ZNF740: variants seen among roughly 807,000 people sequenced by gnomAD.
The protein encoded by ZNF740 is zinc finger protein 740, also known as oriLyt TD-element-binding protein 7.
In ZNF740, 14 loss-of-function variants were observed where a neutral mutation model predicts 24.8. The ratio of observed to expected loss-of-function variants is 0.56; its 90% CI spans 0.37 to 0.88. The LOEUF is 0.88. Ranked by LOEUF, ZNF740 falls within the 40% of genes least tolerant of loss-of-function variation. ZNF740 has a pLI of 0.00. For synonymous variants in ZNF740, 69 were observed against 84.0 expected (o/e 0.82, Z 0.98); for missense variants, 201 against 247.9 (o/e 0.81, Z 1.27).
In ZNF740 at chr12:53,192,205, T is replaced by G; in HGVS notation, c.*4615T>G. The G allele has an allele frequency of 8.0e-7, 1 of 1,249,370 alleles. No individual in the cohort carries two copies. Among genetic ancestry groups the G allele is most frequent in the Non-Finnish European group, 1.1e-6 (1 of 887,492 alleles). The allele number at this position is 1,249,370 out of a possible 1,614,324, so 77.4% of individuals were successfully genotyped here. ...GTCCACTTGCTCAATTGCCTCTGCC[T>G]TTGTCCTGGATTCACAGTTCTGCTT... On this transcript the variant is annotated 3_prime_UTR_variant, in exon 7 of 7. Transcript: ENST00000416904.
At position 53,187,656 on chromosome 12, in the gene ZNF740, C is replaced by T. The variant is rs1178717525; in HGVS notation, c.*66C>T. Reference sequence around the variant, plus strand: ...TGCCGAAGAGCACACCCCCTCTGGTCTGATGGTCCCACCACCGCCCCATGT... The same window carrying T: ...TGCCGAAGAGCACACCCCCTCTGGTTTGATGGTCCCACCACCGCCCCATGT... On this transcript the variant is annotated 3_prime_UTR_variant, in exon 7 of 7. Coordinates refer to ENST00000416904, the MANE Select transcript of ZNF740 (RefSeq NM_001004304.4). 5 of 1,324,084 alleles carry T rather than the reference C, an allele frequency of 3.8e-6. No homozygotes were observed. The East Asian group carries it at 1.2e-4, about 31-fold the overall frequency. The allele number at this position is 1,324,084 out of a possible 1,614,324, so 82.0% of individuals were successfully genotyped here.
In ZNF740 at chr12:53,193,297, C is replaced by T. The variant is rs559123674; in HGVS notation, c.*5707C>T. Reference sequence around the variant, plus strand: ...CATTGGGAGCCCGGCACCCAGATTCCAGGTCTGGGGAGGACAGCTCTGCCA... The same window carrying T: ...CATTGGGAGCCCGGCACCCAGATTCTAGGTCTGGGGAGGACAGCTCTGCCA... On this transcript the variant is annotated 3_prime_UTR_variant, in exon 7 of 7. Transcript: ENST00000416904. The T allele has an allele frequency of 2.5e-6, 4 of 1,612,738 alleles. No individual in the cohort carries two copies. The East Asian group carries it at 6.7e-5, about 27-fold the overall frequency.
Position 53,187,634 on chromosome 12 carries a change from C to G in ZNF740, c.*44C>G, listed in dbSNP as rs760702864. 1 of 1,494,734 alleles carries G rather than the reference C, an allele frequency of 6.7e-7. No individual in the cohort carries two copies. Among genetic ancestry groups the G allele is most frequent in the Middle Eastern group, 1.7e-4 (1 of 5,768 alleles). 92.6% of individuals were successfully genotyped at this position (1,494,734 alleles called of 1,614,324 possible). A position where few individuals can be genotyped will look rare whatever the true frequency, so the allele number is the denominator to read the frequency against. On this transcript the variant is annotated 3_prime_UTR_variant, in exon 7 of 7. Coordinates refer to ENST00000416904, the MANE Select transcript of ZNF740 (RefSeq NM_001004304.4). ...GGTGGGAGTGATCAGAAGAACCTGC[C>G]GAAGAGCACACCCCCTCTGGTCTGA...
chr12:53,184,118 T>G (rs998303522), intron 2 of ZNF740, among the ~76,000 whole-genome samples: 3 of 102,314 alleles, frequency 2.9e-5, no homozygotes, highest in Non-Finnish European at 3.9e-5. Context: ...CTAAGGGGTG[T>G]GTGTGTGTGT....
At position 53,192,506 on chromosome 12, in the gene ZNF740, C is replaced by T; in HGVS notation, c.*4916C>T. ...TGTACTGCAGTTGGTGGCCAGTGGGCCAGTCCTGAAGGCCCCACACTCTGC... is the reference window on the plus strand; with the variant it reads ...TGTACTGCAGTTGGTGGCCAGTGGGTCAGTCCTGAAGGCCCCACACTCTGC... On this transcript the variant is annotated 3_prime_UTR_variant, in exon 7 of 7. Coordinates refer to ENST00000416904, the MANE Select transcript of ZNF740 (RefSeq NM_001004304.4). 6.2e-7 allele frequency: 1 copy of T among 1,614,122 alleles called. No individual in the cohort carries two copies.
At chr12:53,187,478 C>G (rs771556555) in intron 6 of ZNF740, 23 bp from the exon 7 acceptor site, 1 of 1,610,504 alleles carries the variant, frequency 6.2e-7, no homozygotes, top group South Asian at 1.1e-5. Flanking sequence ...TGCTCAGGCA[C>G]TTAACCCTCC....
At position 53,192,757 on chromosome 12, in the gene ZNF740, A is replaced by G. The variant is rs1458542063; in HGVS notation, c.*5167A>G. 2 of 1,614,240 alleles carry G rather than the reference A, an allele frequency of 1.2e-6. No homozygotes were observed. Among genetic ancestry groups the G allele is most frequent in the Admixed American group, 1.7e-5 (1 of 60,028 alleles). On this transcript the variant is annotated 3_prime_UTR_variant, in exon 7 of 7. Transcript: ENST00000416904. ...GCATAGAGCACCATAGTAGCCGTCC[A>G]AGCACTGGCAGCGGTTGCATTTGCA...
At chr12:53,185,078 G>C in intron 3 of ZNF740, 38 bp downstream of exon 3, 2 of 1,610,308 alleles carry the variant, frequency 1.2e-6, no homozygotes. Flanking sequence ...CTGGGGATCG[G>C]GTGGCCCAAG....
At position 53,187,508 on chromosome 12, in the gene ZNF740, C is replaced by T; in HGVS notation, c.500C>T (p.Ser167Phe). The change falls in exon 7 of 7, where the codon TCT (serine) becomes TTT (phenylalanine). Residue 167 changes from serine (S) to phenylalanine (F), a missense_variant. Physicochemically the swap from Ser to Phe is radical, Grantham distance 155. This residue lies in a region of ZNF740 where 60 missense variants were observed against 107.8 expected (regional missense o/e 0.56). Coordinates refer to ENST00000416904, the MANE Select transcript of ZNF740 (RefSeq NM_001004304.4). The part of the protein sequence containing the change: ...YQCERCHQCF[S>F]RTDRLLRHKR... ...CCCTCCCTTTCTTCTCAGTGTTTTT[C>T]TCGGACAGATCGATTACTCAGACAC... 6.2e-7 allele frequency: 1 copy of T among 1,613,960 alleles called. No homozygotes were observed. The highest frequency in any genetic ancestry group is 8.5e-7 in the Non-Finnish European group (1 of 1,179,842).
At position 53,187,687 on chromosome 12, in the gene ZNF740, T is replaced by C; in HGVS notation, c.*97T>C. 1 of 981,436 alleles carries C rather than the reference T, an allele frequency of 1.0e-6. No homozygotes were observed. The highest frequency in any genetic ancestry group is 1.6e-6 in the Non-Finnish European group (1 of 627,896). The allele number at this position is 981,436 out of a possible 1,614,324, so 60.8% of individuals were successfully genotyped here. A position where few individuals can be genotyped will look rare whatever the true frequency, so the allele number is the denominator to read the frequency against. On this transcript the variant is annotated 3_prime_UTR_variant, in exon 7 of 7. Transcript: ENST00000416904. ...GTCCCACCACCGCCCCATGTGAACC[T>C]GTCCCACTCCTGGAGGAGTGGACCC...
At position 53,180,739 on chromosome 12, in the gene ZNF740, C is replaced by G. The variant is rs1404282131; in HGVS notation, c.-406C>G. 7.9e-7 allele frequency: 1 copy of G among 1,263,938 alleles called. No individual in the cohort carries two copies. The highest frequency in any genetic ancestry group is 2.4e-5 in the Admixed American group (1 of 41,050). 78.3% of individuals were successfully genotyped at this position (1,263,938 alleles called of 1,614,324 possible). A position where few individuals can be genotyped will look rare whatever the true frequency, so the allele number is the denominator to read the frequency against. On this transcript the variant is annotated 5_prime_UTR_variant, in exon 1 of 7. Transcript: ENST00000416904. Reference sequence around the variant, plus strand: ...TGGTGTTTGTAAACTTGCCTCGGTCCCGGTGGGGGCAGCCGCGGCGGTGGG... The same window carrying G: ...TGGTGTTTGTAAACTTGCCTCGGTCGCGGTGGGGGCAGCCGCGGCGGTGGG...
In ZNF740 at chr12:53,189,495, T is replaced by C. The variant is rs1383481455; in HGVS notation, c.*1905T>C. The stretch of plus-strand genomic sequence containing the variant: ...GGGGGTTGTCCATACCTCTGTGGTA[T>C]GAGTATTTCAGGGAAAAAGAAAGCA... On this transcript the variant is annotated 3_prime_UTR_variant, in exon 7 of 7. Coordinates refer to ENST00000416904, the MANE Select transcript of ZNF740 (RefSeq NM_001004304.4). 2.0e-5 allele frequency: 3 copies of C among 152,102 alleles called. No homozygotes were observed. The highest frequency in any genetic ancestry group is 2.9e-5 in the Non-Finnish European group (2 of 68,032). 9.4% of individuals were successfully genotyped at this position (152,102 alleles called of 1,614,324 possible).
In ZNF740 at chr12:53,193,163, C is replaced by T. The variant is rs747008975; in HGVS notation, c.*5573C>T. On this transcript the variant is annotated 3_prime_UTR_variant, in exon 7 of 7. Transcript: ENST00000416904. The stretch of plus-strand genomic sequence containing the variant: ...ACCTCCGCAGAGGATGCCCTCATGT[C>T]GCTCACAGCTGGCATCGTCACACTC... The T allele has an allele frequency of 2.5e-5, 40 of 1,612,216 alleles. No homozygotes were observed. Among genetic ancestry groups the T allele is most frequent in the South Asian group, 1.6e-4 (15 of 90,950 alleles).
At position 53,191,541 on chromosome 12, in the gene ZNF740, G is replaced by A; in HGVS notation, c.*3951G>A. 6.3e-7 allele frequency: 1 copy of A among 1,594,094 alleles called. No homozygotes were observed. The highest frequency in any genetic ancestry group is 1.3e-5 in the African/African-American group (1 of 74,616). Reference sequence around the variant, plus strand: ...CTCCAAGGAGAAGAGCCTTGGGTAAGTGTCCCTCCCTCCTTCAGAGAGTGG... The same window carrying A: ...CTCCAAGGAGAAGAGCCTTGGGTAAATGTCCCTCCCTCCTTCAGAGAGTGG... On this transcript the variant is annotated 3_prime_UTR_variant, in exon 7 of 7. Coordinates refer to ENST00000416904, the MANE Select transcript of ZNF740 (RefSeq NM_001004304.4).
chr12:53,186,592 A>G (rs1941826051), intron 6 of ZNF740, 83 bp downstream of exon 6: 3 of 1,115,590 alleles, frequency 2.7e-6, no homozygotes, highest in East Asian at 5.2e-5. Context: ...CTGCCTGACA[A>G]AAGAGCCACC....
At position 53,188,514 on chromosome 12, in the gene ZNF740, T is replaced by C. The variant is rs1223405189; in HGVS notation, c.*924T>C. On this transcript the variant is annotated 3_prime_UTR_variant, in exon 7 of 7. Transcript: ENST00000416904. ...AGGAGTCATGGAAGTCAAAGTGGGTTCTCTCTCCTTGTGCCCTCTTAGGAA... is the reference window on the plus strand; with the variant it reads ...AGGAGTCATGGAAGTCAAAGTGGGTCCTCTCTCCTTGTGCCCTCTTAGGAA... 6.6e-6 allele frequency: 1 copy of C among 152,584 alleles called. No homozygotes were observed. Among genetic ancestry groups the C allele is most frequent in the Non-Finnish European group, 1.5e-5 (1 of 68,036 alleles). 9.5% of individuals were successfully genotyped at this position (152,584 alleles called of 1,614,324 possible). A position where few individuals can be genotyped will look rare whatever the true frequency, so the allele number is the denominator to read the frequency against.
Position 53,193,204 on chromosome 12 carries a change from G to GCT in ZNF740, c.*5617_*5618dup. On this transcript the variant is annotated 3_prime_UTR_variant, in exon 7 of 7. Coordinates refer to ENST00000416904, the MANE Select transcript of ZNF740 (RefSeq NM_001004304.4). ...CGTCACACTCGCACAGATGCCCAGA[G>GCT]CTCTGTCCACTGCAGCTGCAGCGTC... is the stretch of plus-strand genomic sequence containing the variant. 6.2e-7 allele frequency: 1 copy of GCT among 1,614,116 alleles called. No homozygotes were observed. The highest frequency in any genetic ancestry group is 8.5e-7 in the Non-Finnish European group (1 of 1,180,016).
rs764711793 is a variant in ZNF740, at chr12:53,186,500, G to T, written c.483G>T (p.Arg161=). 7.7e-6 allele frequency: 12 copies of T among 1,566,492 alleles called. No individual in the cohort carries two copies. Among genetic ancestry groups the T allele is most frequent in the African/African-American group, 1.4e-5 (1 of 73,828 alleles). The stretch of plus-strand genomic sequence containing the variant: ...GTGAAAAGCCTTACCAGTGTGAACG[G>T]TGTCATCAGGTAAGGCTCATCCCTG... ...HSGEKPYQCE[R]CHQCFSRTDR... The change falls in exon 6 of 7, where the codon CGG becomes CGT. Residue 161 remains arginine, a synonymous_variant. Transcript: ENST00000416904.
chr12:53,195,058 T>G lies in ZNF740; in HGVS notation c.*7468T>G. 6.2e-6 allele frequency: 2 copies of G among 321,378 alleles called. No individual in the cohort carries two copies. The highest frequency in any genetic ancestry group is 4.7e-5 in the South Asian group (1 of 21,202). The allele number at this position is 321,378 out of a possible 1,614,324, so 19.9% of individuals were successfully genotyped here. Reference sequence around the variant, plus strand: ...TGGTAACAGTTATGAAGCAAGGCTTTTGGCAGGGTTAAATGAAGTAGCAAA... The same window carrying G: ...TGGTAACAGTTATGAAGCAAGGCTTGTGGCAGGGTTAAATGAAGTAGCAAA... On this transcript the variant is annotated 3_prime_UTR_variant, in exon 7 of 7. Coordinates refer to ENST00000416904, the MANE Select transcript of ZNF740 (RefSeq NM_001004304.4).
Sources: allele counts gnomAD v4.1 joint callset (sites outside exome capture counted in the v4.1 genomes callset), GRCh38; gene constraint gnomAD v4.1.1; regional missense constraint gnomAD v4.1.1; transcripts MANE v1.5; gene names NCBI Gene and HGNC (gene_info 2026-07-23, HGNC 2026-07-21).